The following ANXA7 variants were observed in gnomAD, a reference collection of about 807,000 sequenced individuals.
The protein encoded by ANXA7 is annexin A7.
A neutral mutation model predicts 64.9 loss-of-function variants in ANXA7; 55 were observed. That is an observed-to-expected ratio of 0.85 (90% CI 0.68 to 1.06). The LOEUF is 1.06. ANXA7 is among the 50% of genes least tolerant of loss of function. ANXA7 has a pLI of 0.00. For missense variants in ANXA7, 548 were observed against 582.1 expected (o/e 0.94, Z 0.60); for synonymous variants, 200 against 192.4 (o/e 1.04, Z -0.33).
chr10:73,401,358 A>T (rs993039720), intron 1 of ANXA7, among the ~76,000 whole-genome samples: 10 of 152,326 alleles, frequency 6.6e-5, no homozygotes, highest in African/African-American at 2.4e-4. Flanking sequence ...TTAGGGGTAT[A>T]AGCAAAGCTT....
At chr10:73,403,600 T>G (rs922927936) in intron 1 of ANXA7, among the ~76,000 whole-genome samples, 1 of 152,258 alleles carries the variant, frequency 6.6e-6, no homozygotes, top group African/African-American at 2.4e-5. Flanking sequence ...TTTTAACTAT[T>G]ACAGTCTTGC....
At chr10:73,384,303 A>C (rs548850085) in intron 7 of ANXA7, among the ~76,000 whole-genome samples, 5 of 152,254 alleles carry the variant, frequency 3.3e-5, no homozygotes, top group Non-Finnish European at 7.3e-5. Flanking sequence ...AGAATTATTC[A>C]AACTGACAAA....
intron 1 of ANXA7, among the ~76,000 whole-genome samples, chr10:73,401,890 T>C (rs74499935): frequency 0.1 from 15,828 of 152,226 alleles, 1,180 homozygotes; most frequent in East Asian, 0.3. Flanking sequence ...CACACCTGGC[T>C]GATCTATTTT....
rs187495839 is a variant in ANXA7 at position 73,376,303 on chromosome 10, T to A, written c.1279-86A>T. 7 of 1,303,068 alleles carry A rather than the reference T, an allele frequency of 5.4e-6. No individual in the cohort carries two copies. In the African/African-American group the frequency reaches 9.1e-5, roughly 17 times the overall value. 80.7% of individuals were successfully genotyped at this position (1,303,068 alleles called of 1,614,324 possible). ...TTCTTTTTAAATAATAAGATCTTAA[T>A]AATAATCAAAACTTGGGGGGGAAAA... On this transcript the variant is annotated intron_variant, in intron 12 of 12. Coordinates refer to ENST00000372921, the MANE Select transcript of ANXA7 (RefSeq NM_001156.5).
chr10:73,412,795 CTT>C lies in ANXA7; in HGVS notation c.-2+1215_-2+1216del, dbSNP rs55814659. On this transcript the variant is annotated intron_variant, in intron 1 of 12. Transcript: ENST00000372921. Reference sequence around the variant, plus strand: ...ACAGGAGTGAGCCACCGCGCTCGGGCTTTTTTTTTTTTTTTTTTAAACATTCT... The same window carrying C: ...ACAGGAGTGAGCCACCGCGCTCGGGCTTTTTTTTTTTTTTTTAAACATTCT... Among the ~76,000 whole-genome samples, 1,292 of 131,512 alleles carry C rather than the reference CTT, an allele frequency of 9.8e-3. 10 individuals carry two copies. Among genetic ancestry groups the C allele is most frequent in the Non-Finnish European group, 0.015 (918 of 60,592 alleles). 86.3% of individuals were successfully genotyped at this position (131,512 alleles called of 152,430 possible).
At chr10:73,395,509 C>G (rs1233368240) in intron 5 of ANXA7, among the ~76,000 whole-genome samples, 2 of 152,106 alleles carry the variant, frequency 1.3e-5, no homozygotes, top group East Asian at 3.8e-4. Flanking sequence ...CCAGGCCGTG[C>G]GTGGTGGCTC....
chr10:73,397,316 A>C, intron 3 of ANXA7, 42 bp from the exon 4 acceptor site: 297 of 1,280,120 alleles, frequency 2.3e-4, no homozygotes, highest in Non-Finnish European at 3.0e-4. Context: ...TACAGTTCTC[A>C]TGATTGCAGA....
intron 5 of ANXA7, among the ~76,000 whole-genome samples, chr10:73,388,926 T>C (rs2132667060): frequency 6.6e-6 from 1 of 152,290 alleles, no homozygotes; most frequent in South Asian, 2.1e-4. Context: ...AAATTAAAAA[T>C]TGCCATTTAG....
intron 5 of ANXA7, 48 bp downstream of exon 5, chr10:73,396,468 CCTT>C: frequency 7.3e-7 from 1 of 1,366,708 alleles, no homozygotes; most frequent in Non-Finnish European, 1.0e-6. Context: ...AGGATAGGTT[CCTT>C]CTTTATCTAG....
At chr10:73,387,343 T>C (rs12241745) in intron 7 of ANXA7, among the ~76,000 whole-genome samples, 15,877 of 151,934 alleles carry the variant, frequency 0.1, 1,198 homozygotes, top group East Asian at 0.3. Context: ...GGTGAAACTC[T>C]GTCTCTACTA....
At chr10:73,388,267 G>T in intron 6 of ANXA7, 45 bp downstream of exon 6, 5 of 1,398,774 alleles carry the variant, frequency 3.6e-6, no homozygotes, top group South Asian at 1.2e-5. Context: ...CTTTAGAACT[G>T]ATTACTTTAA....
intron 1 of ANXA7, among the ~76,000 whole-genome samples, chr10:73,404,728 A>C (rs1195612112): frequency 2.0e-5 from 3 of 150,196 alleles, no homozygotes; most frequent in East Asian, 3.9e-4. Flanking sequence ...ATATATATAT[A>C]TCTTTTGCAT....
At chr10:73,378,853 A>T in intron 12 of ANXA7, 58 bp downstream of exon 12, 1 of 1,345,630 alleles carries the variant, frequency 7.4e-7, no homozygotes, top group Non-Finnish European at 1.1e-6. Flanking sequence ...GGGAACTTTT[A>T]AGAAATCAAC....
rs148873535 is a variant in ANXA7, at chr10:73,378,986, C to G, written c.1203G>C (p.Glu401Asp). The change falls in exon 12 of 13, where the codon GAG becomes GAC. Residue 401 changes from glutamate (E) to aspartate (D), a missense_variant. Physicochemically the swap from Glu to Asp is conservative, Grantham distance 45 (BLOSUM62 2). Transcript: ENST00000372921. ...CACCTTTCATAGCATAGTAGAGCCT[C>G]TCAGCAAAGAAGGCAGGGCGGTTCA... ...CALNRPAFFA[E>D]RLYYAMKGAG... The G allele has an allele frequency of 1.2e-6, 2 of 1,613,330 alleles. No homozygotes were observed. Among genetic ancestry groups the G allele is most frequent in the African/African-American group, 2.7e-5 (2 of 74,902 alleles).
intron 1 of ANXA7, among the ~76,000 whole-genome samples, chr10:73,410,904 T>C (rs945157496): frequency 2.6e-5 from 4 of 151,932 alleles, no homozygotes; most frequent in Non-Finnish European, 4.4e-5. Context: ...CTTGAAGAGC[T>C]AAAAAAGATC....
intron 9 of ANXA7, chr10:73,381,623 C>G (rs1389726337): frequency 6.6e-6 from 1 of 152,272 alleles, no homozygotes; most frequent in East Asian, 1.9e-4. Flanking sequence ...GATTCACACA[C>G]ACTTTCTCAG....
chr10:73,409,668 C>A (rs1221258803), intron 1 of ANXA7, among the ~76,000 whole-genome samples: 1 of 152,096 alleles, frequency 6.6e-6, no homozygotes, highest in East Asian at 1.9e-4. Flanking sequence ...AAAAAACAAT[C>A]CTAAAATTAA....
chr10:73,390,729 T>C lies in ANXA7; in HGVS notation c.436-2315A>G, dbSNP rs1367838331. Among the ~76,000 whole-genome samples the C allele has an allele frequency of 1.7e-4, 23 of 134,426 alleles. No homozygotes were observed. The East Asian group carries it at 1.8e-3, about 10-fold the overall frequency. 88.2% of individuals were successfully genotyped at this position (134,426 alleles called of 152,430 possible). On this transcript the variant is annotated intron_variant, in intron 5 of 12. Transcript: ENST00000372921. ...ATATATATATATATATAAAAATATA[T>C]ATATACACACACACACATATATATA...
In ANXA7 at chr10:73,378,895, G is replaced by T. The variant is rs201496356; in HGVS notation, c.1278+16C>A. 1.3e-6 allele frequency: 2 copies of T among 1,589,100 alleles called. No homozygotes were observed. Among genetic ancestry groups the T allele is most frequent in the Admixed American group, 1.7e-5 (1 of 59,742 alleles). On this transcript the variant is annotated intron_variant, in intron 12 of 12. Coordinates refer to ENST00000372921, the MANE Select transcript of ANXA7 (RefSeq NM_001156.5). ...CATCAAGTAAGACCCGACAAAAAGAGAGAGGCCTGCCTCACCTCACTTCGA... is the reference window on the plus strand; with the variant it reads ...CATCAAGTAAGACCCGACAAAAAGATAGAGGCCTGCCTCACCTCACTTCGA...
Sources: gnomAD v4.1 joint callset for allele counts (sites outside exome capture counted in the v4.1 genomes callset) on GRCh38, gnomAD v4.1.1 for gene constraint, MANE v1.5 for transcripts, NCBI Gene and HGNC (gene_info 2026-07-23, HGNC 2026-07-21) for gene names.